Variants in RDH8 observed in about 807,000 individuals in gnomAD.
The protein encoded by RDH8 is photoreceptor outer segment all-trans retinol dehydrogenase.
Under a neutral mutation model 22.3 loss-of-function variants are expected in RDH8, and 14 were observed. The ratio of observed to expected loss-of-function variants is 0.63; its 90% CI spans 0.42 to 0.98. The LOEUF is 0.98. RDH8 is among the 50% of genes least tolerant of loss of function. The pLI, the probability that RDH8 is intolerant of heterozygous loss-of-function variation, is 0.00. For synonymous variants in RDH8, 175 were observed against 171.7 expected (o/e 1.02, Z -0.15); for missense variants, 389 against 409.8 (o/e 0.95, Z 0.44).
chr19:10,018,409 C>T (rs1002092963), intron 2 of RDH8, among the ~76,000 whole-genome samples: 6 of 152,126 alleles, frequency 3.9e-5, no homozygotes, highest in African/African-American at 9.7e-5. Flanking sequence ...CAGCATGATA[C>T]AGAAATAAGT....
intron 1 of RDH8, among the ~76,000 whole-genome samples, chr19:10,014,940 G>T (rs746001519): frequency 6.6e-6 from 1 of 152,142 alleles, no homozygotes; most frequent in Non-Finnish European, 1.5e-5. Flanking sequence ...AACTCAGGCA[G>T]CCCATCCCTT....
Position 10,018,959 on chromosome 19 carries a change from C to A in RDH8, c.442+49C>A, listed in dbSNP as rs1031644168. Reference sequence around the variant, plus strand: ...GGAAATCCCACCAGTGTCTGATCCTCCCCAGACTGGGAGGATGGCGAATGG... The same window carrying A: ...GGAAATCCCACCAGTGTCTGATCCTACCCAGACTGGGAGGATGGCGAATGG... On this transcript the variant is annotated intron_variant, in intron 3 of 5. Coordinates refer to ENST00000591589, the MANE Select transcript of RDH8 (RefSeq NM_015725.4). The A allele has an allele frequency of 4.1e-6, 6 of 1,478,782 alleles. No homozygotes were observed. In the Admixed American group the frequency reaches 9.9e-5, roughly 24 times the overall value. 91.6% of individuals were successfully genotyped at this position (1,478,782 alleles called of 1,614,324 possible).
At chr19:10,020,584 A>G (rs1481200598) in intron 3 of RDH8, 125 bp from the exon 4 acceptor site, 2 of 658,238 alleles carry the variant, frequency 3.0e-6, no homozygotes, top group Non-Finnish European at 5.6e-6. Context: ...TCTTGGCACC[A>G]TGTATCTGCT....
chr19:10,021,469 G>A (rs374735812), intron 5 of RDH8, 31 bp downstream of exon 5: 4 of 1,613,850 alleles, frequency 2.5e-6, no homozygotes, highest in Non-Finnish European at 3.4e-6. Flanking sequence ...CCCAAGACGT[G>A]GCTCAGGTAT....
At chr19:10,020,117 C>T (rs2087646232) in intron 3 of RDH8, among the ~76,000 whole-genome samples, 1 of 151,604 alleles carries the variant, frequency 6.6e-6, no homozygotes, top group Admixed American at 6.6e-5. Flanking sequence ...ACTCCGTCTC[C>T]CCCCCGCCAA....
Position 10,017,404 on chromosome 19 carries a change from T to G in RDH8, c.262+189T>G, listed in dbSNP as rs146970617. Among the ~76,000 whole-genome samples the G allele has an allele frequency of 6.3e-4, 96 of 152,224 alleles. 2 individuals are homozygous for G. In the East Asian group the frequency reaches 0.018, roughly 29 times the overall value. ...ACCAATTGATTTATTAAGGGCTGGG[T>G]GCAGTGGCTCATACCTGTAATCCTA... On this transcript the variant is annotated intron_variant, in intron 2 of 5. Coordinates refer to ENST00000591589, the MANE Select transcript of RDH8 (RefSeq NM_015725.4).
rs768644065 is a variant in RDH8, at chr19:10,021,681, C to T, written c.868C>T (p.Arg290Cys). The part of the protein sequence containing the change: ...TTHRLLFRCP[R>C]LLNLGLQCLS... ...CCACCGCCTCCTCTTCCGCTGTCCA[C>T]GCCTCCTCAACCTTGGCCTTCAATG... Residue 290 changes from arginine to cysteine, a missense_variant, in exon 6 of 6, where the codon CGC becomes TGC. Coordinates refer to ENST00000591589, the MANE Select transcript of RDH8 (RefSeq NM_015725.4). 31 of 1,614,018 alleles carry T rather than the reference C, an allele frequency of 1.9e-5. No homozygotes were observed. The highest frequency in any genetic ancestry group is 8.0e-5 in the African/African-American group (6 of 74,952).
At chr19:10,021,110 G>A in intron 4 of RDH8, 145 bp from the exon 5 acceptor site, 1 of 743,916 alleles carries the variant, frequency 1.3e-6, no homozygotes, top group Non-Finnish European at 2.1e-6. Flanking sequence ...GGAGTTGGAG[G>A]CTGCAGACAG....
intron 3 of RDH8, 41 bp from the exon 4 acceptor site, chr19:10,020,668 C>T: frequency 7.1e-7 from 1 of 1,409,270 alleles, no homozygotes; most frequent in African/African-American, 1.4e-5. Flanking sequence ...AAGCCCACCT[C>T]CCAGACCCTC....
chr19:10,013,867 A>G (rs2087588753), intron 1 of RDH8, among the ~76,000 whole-genome samples: 1 of 152,058 alleles, frequency 6.6e-6, no homozygotes, highest in African/African-American at 2.4e-5. Flanking sequence ...TGGGTGATAA[A>G]CAGATAAAAA....
At position 10,022,065 on chromosome 19, in the gene RDH8, G is replaced by A. The variant is rs965303604; in HGVS notation, c.*316G>A. 1 of 325,472 alleles carries A rather than the reference G, an allele frequency of 3.1e-6. No homozygotes were observed. Among genetic ancestry groups the A allele is most frequent in the Non-Finnish European group, 5.6e-6 (1 of 177,918 alleles). 20.2% of individuals were successfully genotyped at this position (325,472 alleles called of 1,614,324 possible). ...CATTGTTATGAGCCTTGAAGGAAGAGACAGACTCTGCTACATTCAACCTCG... is the reference window on the plus strand; with the variant it reads ...CATTGTTATGAGCCTTGAAGGAAGAAACAGACTCTGCTACATTCAACCTCG... On this transcript the variant is annotated 3_prime_UTR_variant, in exon 6 of 6. Transcript: ENST00000591589.
intron 1 of RDH8, among the ~76,000 whole-genome samples, chr19:10,016,313 A>ATTTT (rs59119984): frequency 7.8e-6 from 1 of 128,282 alleles, no homozygotes; most frequent in East Asian, 2.4e-4. Context: ...CGCCAGGCTA[A>ATTTT]TTTTTTTTTT....
chr19:10,021,165 C>T, intron 4 of RDH8, 90 bp from the exon 5 acceptor site: 1 of 1,248,796 alleles, frequency 8.0e-7, no homozygotes, highest in South Asian at 1.4e-5. Context: ...CAGAGTGAGA[C>T]CCTGTATCTT....
At chr19:10,016,916 G>T in intron 1 of RDH8, 141 bp from the exon 2 acceptor site, 1 of 858,264 alleles carries the variant, frequency 1.2e-6, no homozygotes, top group Non-Finnish European at 1.7e-6. Flanking sequence ...TGCACTTGTT[G>T]GCTGAGTGAT....
chr19:10,021,729 A>G lies in RDH8; in HGVS notation c.916A>G (p.Thr306Ala). Residue 306 changes from threonine to alanine, a missense_variant, in exon 6 of 6, where the codon ACG (threonine) becomes GCG (alanine). By Grantham distance (58) the Thr-to-Ala change is moderately conservative. Transcript: ENST00000591589. ...ATGTCTGTCCTGCGGCTGCCTCCCA[A>G]CGCGGGTGCGGCCAAGATGAGCAGA... Reference protein sequence around the residue: ...LQCLSCGCLPTRVRPR With the variant: ...LQCLSCGCLPARVRPR 6.2e-7 allele frequency: 1 copy of G among 1,613,586 alleles called. No homozygotes were observed. The highest frequency in any genetic ancestry group is 1.3e-5 in the African/African-American group (1 of 74,958).
At chr19:10,015,938 A>G (rs1046860729) in intron 1 of RDH8, among the ~76,000 whole-genome samples, 26 of 151,716 alleles carry the variant, frequency 1.7e-4, no homozygotes, top group Admixed American at 8.5e-4. Flanking sequence ...GGCAACAAAC[A>G]AGAGTGAAAC....
rs1282637474 is a variant in RDH8 at position 10,021,898 on chromosome 19, G to C, written c.*149G>C. 1 of 842,482 alleles carries C rather than the reference G, an allele frequency of 1.2e-6. No individual in the cohort carries two copies. The highest frequency in any genetic ancestry group is 2.7e-5 in the Admixed American group (1 of 37,586). 52.2% of individuals were successfully genotyped at this position (842,482 alleles called of 1,614,324 possible). On this transcript the variant is annotated 3_prime_UTR_variant, in exon 6 of 6. Transcript: ENST00000591589. ...CCTAGACATGGCTAGAATCCCAGAA[G>C]GGCCTTTATTTTCAGGCATAGACTC...
In RDH8 at chr19:10,021,335, C is replaced by T; in HGVS notation, c.617C>T (p.Pro206Leu). 6.2e-7 allele frequency: 1 copy of T among 1,614,048 alleles called. No individual in the cohort carries two copies. The highest frequency in any genetic ancestry group is 8.5e-7 in the Non-Finnish European group (1 of 1,179,972). Residue 206 changes from proline (P) to leucine (L), a missense_variant, in exon 5 of 6, where the codon CCA becomes CTA. Transcript: ENST00000591589. ...GCGCAGGTTTCTATGGCTGAGTTCC[C>T]AGGCACTGACCCTGAGACCCTGCAC... ...LLAQVSMAEFPGTDPETLHYF... is the reference protein window; with the variant it reads ...LLAQVSMAEFLGTDPETLHYF...
chr19:10,021,672 C>A lies in RDH8; in HGVS notation c.859C>A (p.Arg287Ser). The stretch of plus-strand genomic sequence containing the variant: ...GCGAACGACCCACCGCCTCCTCTTC[C>A]GCTGTCCACGCCTCCTCAACCTTGG... Reference protein sequence around the residue: ...YVRTTHRLLFRCPRLLNLGLQ... With the variant: ...YVRTTHRLLFSCPRLLNLGLQ... Residue 287 changes from arginine (R) to serine (S), a missense_variant, in exon 6 of 6, where the codon CGC (arginine) becomes AGC (serine). Physicochemically the swap from Arg to Ser is moderately radical, Grantham distance 110. Coordinates refer to ENST00000591589, the MANE Select transcript of RDH8 (RefSeq NM_015725.4). 1 of 1,614,162 alleles carries A rather than the reference C, an allele frequency of 6.2e-7. No individual in the cohort carries two copies. The highest frequency in any genetic ancestry group is 8.5e-7 in the Non-Finnish European group (1 of 1,180,026).
Sources: allele counts gnomAD v4.1 joint callset (sites outside exome capture counted in the v4.1 genomes callset), GRCh38; gene constraint gnomAD v4.1.1; transcripts MANE v1.5; gene names NCBI Gene and HGNC (gene_info 2026-07-23, HGNC 2026-07-21).